Variants in GRAMD2B observed in about 807,000 individuals in gnomAD.
GRAMD2B encodes GRAM domain containing 2B.
A neutral mutation model predicts 59.2 loss-of-function variants in GRAMD2B; 41 were observed. The ratio of observed to expected loss-of-function variants is 0.69; its 90% CI spans 0.54 to 0.90. The LOEUF (loss-of-function observed/expected upper bound fraction) is 0.90. GRAMD2B is among the 40% of genes least tolerant of loss of function. The pLI, the probability that GRAMD2B is intolerant of heterozygous loss-of-function variation, is 0.00. For missense variants in GRAMD2B, 424 were observed against 500.5 expected (o/e 0.85, Z 1.46); for synonymous variants, 161 against 182.7 (o/e 0.88, Z 0.96).
At chr5:126,387,249 G>T (rs1756233363) in intron 1 of GRAMD2B, among the ~76,000 whole-genome samples, 1 of 137,878 alleles carries the variant, frequency 7.3e-6, no homozygotes, top group Non-Finnish European at 1.6e-5. Context: ...AGCTAAGTGG[G>T]TTTCTTAAAA....
intron 1 of GRAMD2B, among the ~76,000 whole-genome samples, chr5:126,397,638 G>T (rs1757473937): frequency 6.6e-6 from 1 of 152,068 alleles, no homozygotes; most frequent in Non-Finnish European, 1.5e-5. Flanking sequence ...CAATCATGTG[G>T]TTTTCTTCTT....
intron 1 of GRAMD2B, among the ~76,000 whole-genome samples, chr5:126,373,673 A>G (rs1383402692): frequency 6.6e-6 from 1 of 152,254 alleles, no homozygotes; most frequent in African/African-American, 2.4e-5. Flanking sequence ...TCAAAAATTA[A>G]TATGTTTTAT....
chr5:126,444,303 C>G (rs962108742), intron 1 of GRAMD2B, among the ~76,000 whole-genome samples: 3 of 152,242 alleles, frequency 2.0e-5, no homozygotes, highest in African/African-American at 4.8e-5. Context: ...AGCTGGCCTT[C>G]TAGCTTAGAA....
At chr5:126,388,905 A>G (rs985068588) in intron 1 of GRAMD2B, among the ~76,000 whole-genome samples, 1 of 152,136 alleles carries the variant, frequency 6.6e-6, no homozygotes, top group Admixed American at 6.6e-5. Flanking sequence ...TCTATTAGGT[A>G]CAATATTTAC....
rs1581161148 is a variant in GRAMD2B, at chr5:126,465,517, C to T, written c.175C>T (p.Pro59Ser). 2 of 1,613,980 alleles carry T rather than the reference C, an allele frequency of 1.2e-6. No individual in the cohort carries two copies. Among genetic ancestry groups the T allele is most frequent in the Non-Finnish European group, 1.7e-6 (2 of 1,179,982 alleles). Reference sequence around the variant, plus strand: ...TACCCCATCTGTGGAGGCGGACTCCCCAGACCAGAAGAAAATCATTAGCCT... The same window carrying T: ...TACCCCATCTGTGGAGGCGGACTCCTCAGACCAGAAGAAAATCATTAGCCT... ...SPTPSVEADSPDQKKIISLWS... is the reference protein window; with the variant it reads ...SPTPSVEADSSDQKKIISLWS... Residue 59 changes from proline to serine, a missense_variant, in exon 2 of 14, where the codon CCA becomes TCA. Pro to Ser is a moderately conservative substitution (Grantham distance 74). Coordinates refer to ENST00000285689, the MANE Select transcript of GRAMD2B (RefSeq NM_023927.4).
intron 1 of GRAMD2B, among the ~76,000 whole-genome samples, chr5:126,407,468 G>A (rs184457895): frequency 4.1e-4 from 62 of 152,080 alleles, no homozygotes; most frequent in African/African-American, 1.1e-3. Context: ...AAGCTAGAGC[G>A]TTCGGGGTGG....
intron 1 of GRAMD2B, among the ~76,000 whole-genome samples, chr5:126,461,520 T>C (rs907762405): frequency 1.1e-4 from 16 of 152,292 alleles, no homozygotes; most frequent in African/African-American, 3.8e-4. Context: ...GTTCCCTGGC[T>C]GGGCATGGTG....
intron 5 of GRAMD2B, among the ~76,000 whole-genome samples, chr5:126,474,903 A>G (rs76576541): frequency 0.02 from 3,100 of 152,340 alleles, 110 homozygotes; most frequent in African/African-American, 0.071. Flanking sequence ...GGGAATAAGA[A>G]CCATGATAGT....
intron 1 of GRAMD2B, among the ~76,000 whole-genome samples, chr5:126,461,409 G>C (rs1173501398): frequency 1.3e-5 from 2 of 152,346 alleles, no homozygotes; most frequent in East Asian, 3.9e-4. Context: ...TTAGATGGCT[G>C]ATAGGGATTG....
chr5:126,434,180 C>T (rs921919090), intron 1 of GRAMD2B, among the ~76,000 whole-genome samples: 9 of 152,142 alleles, frequency 5.9e-5, no homozygotes, highest in African/African-American at 1.9e-4. Context: ...ACTTTGTAAC[C>T]ATATTATGAA....
chr5:126,360,395 C>T (rs928563703), exon 1 of GRAMD2B: 1 of 1,551,238 alleles, frequency 6.4e-7, no homozygotes, highest in Non-Finnish European at 8.7e-7. Flanking sequence ...CCAAGCACAG[C>T]TTATGCCCTG....
At chr5:126,395,759 T>A (rs774432535) in intron 1 of GRAMD2B, among the ~76,000 whole-genome samples, 15 of 150,926 alleles carry the variant, frequency 9.9e-5, no homozygotes, top group Non-Finnish European at 1.8e-4. Flanking sequence ...AGGGAGGGAG[T>A]GTCTGTGTGT....
Position 126,489,042 on chromosome 5 carries a change from T to C in GRAMD2B, c.1257+150T>C, listed in dbSNP as rs546929587. On this transcript the variant is annotated intron_variant, in intron 13 of 13. Coordinates refer to ENST00000285689, the MANE Select transcript of GRAMD2B (RefSeq NM_023927.4). Reference sequence around the variant, plus strand: ...CTGGCTAGGGGCTTTTTATAGTAAATGTGGAAGAATATTTTTTATTTCCAC... The same window carrying C: ...CTGGCTAGGGGCTTTTTATAGTAAACGTGGAAGAATATTTTTTATTTCCAC... The C allele has an allele frequency of 8.0e-5, 41 of 513,950 alleles. No individual in the cohort carries two copies. In the East Asian group the frequency reaches 1.1e-3, roughly 14 times the overall value. The allele number at this position is 513,950 out of a possible 1,614,324, so 31.8% of individuals were successfully genotyped here.
chr5:126,396,295 A>G (rs953553634), intron 1 of GRAMD2B, among the ~76,000 whole-genome samples: 3 of 152,116 alleles, frequency 2.0e-5, no homozygotes, highest in Non-Finnish European at 4.4e-5. Flanking sequence ...CCTAGTACTC[A>G]TTAGTTATTT....
At chr5:126,454,386 G>A (rs113574731) in intron 1 of GRAMD2B, among the ~76,000 whole-genome samples, 5 of 152,268 alleles carry the variant, frequency 3.3e-5, no homozygotes, top group African/African-American at 1.2e-4. Flanking sequence ...GGAAATCACT[G>A]CAGCTGCACC....
chr5:126,485,817 A>G (rs1036093345), intron 11 of GRAMD2B, 44 bp downstream of exon 11: 14 of 1,199,336 alleles, frequency 1.2e-5, no homozygotes, highest in East Asian at 9.5e-5. Context: ...AAATGATTCC[A>G]TTCGCTAAAG....
intron 7 of GRAMD2B, 26 bp from the exon 8 acceptor site, chr5:126,480,601 T>C (rs1317399378): frequency 6.2e-7 from 1 of 1,611,960 alleles, no homozygotes; most frequent in South Asian, 1.1e-5. Flanking sequence ...TTAATCTGGC[T>C]TTTCGTTTTG....
intron 1 of GRAMD2B, among the ~76,000 whole-genome samples, chr5:126,362,696 G>A (rs1310505750): frequency 6.6e-6 from 1 of 152,140 alleles, no homozygotes; most frequent in Non-Finnish European, 1.5e-5. Context: ...AACATTTATG[G>A]TTAATTAATT....
intron 5 of GRAMD2B, among the ~76,000 whole-genome samples, chr5:126,476,811 T>C (rs1042347797): frequency 3.3e-5 from 5 of 152,226 alleles, no homozygotes; most frequent in Middle Eastern, 3.2e-3. Flanking sequence ...CCCATCCTGA[T>C]TTCATGAAAC....
Sources: allele counts gnomAD v4.1 joint callset (sites outside exome capture counted in the v4.1 genomes callset), GRCh38; gene constraint gnomAD v4.1.1; transcripts MANE v1.5; gene names NCBI Gene and HGNC (gene_info 2026-07-23, HGNC 2026-07-21).